SLC35F1: variants seen among roughly 807,000 people sequenced by gnomAD.
The protein encoded by SLC35F1 is solute carrier family 35 member F1.
A neutral mutation model predicts 48.7 loss-of-function variants in SLC35F1; 14 were observed. That is an observed-to-expected ratio of 0.29 (90% CI 0.19 to 0.45). The LOEUF is 0.45. Ranked by LOEUF, SLC35F1 falls within the 20% of genes least tolerant of loss-of-function variation. SLC35F1 has a pLI of 1.00. For synonymous variants in SLC35F1, 190 were observed against 202.2 expected, an observed-to-expected ratio of 0.94 and a Z score of 0.51; for missense variants, 404 against 500.0, an observed-to-expected ratio of 0.81 and a Z score of 1.83.
At chr6:118,293,329 C>T (rs1332524901) in intron 7 of SLC35F1, among the ~76,000 whole-genome samples, 2 of 152,086 alleles carry the variant, frequency 1.3e-5, no homozygotes, top group Non-Finnish European at 2.9e-5. Flanking sequence ...ATTTCCTTAC[C>T]GTTTCCAGCT....
chr6:118,254,496 G>C (rs577869771), intron 3 of SLC35F1, among the ~76,000 whole-genome samples: 7 of 151,970 alleles, frequency 4.6e-5, no homozygotes, highest in Admixed American at 2.6e-4. Context: ...TGCCCAGGCT[G>C]GTCTTGAACT....
intron 1 of SLC35F1, among the ~76,000 whole-genome samples, chr6:117,964,165 TA>T (rs1371304534): frequency 6.6e-6 from 1 of 152,258 alleles, no homozygotes; most frequent in African/African-American, 2.4e-5. Context: ...TATTCCTTTT[TA>T]TGGCTGCATA....
chr6:118,270,321 A>G (rs1224220440), intron 4 of SLC35F1, among the ~76,000 whole-genome samples: 4 of 152,206 alleles, frequency 2.6e-5, no homozygotes, highest in Admixed American at 6.5e-5. Flanking sequence ...AGATGGCATT[A>G]AGTACTTCAT....
At chr6:118,198,358 C>T (rs887361667) in intron 2 of SLC35F1, among the ~76,000 whole-genome samples, 1 of 152,014 alleles carries the variant, frequency 6.6e-6, no homozygotes, top group Non-Finnish European at 1.5e-5. Flanking sequence ...AGTAACATGA[C>T]CATAAAAGTG....
At chr6:117,981,697 T>A (rs1035208041) in intron 1 of SLC35F1, among the ~76,000 whole-genome samples, 2 of 152,212 alleles carry the variant, frequency 1.3e-5, no homozygotes, top group South Asian at 4.1e-4. Flanking sequence ...ATATAGTTAA[T>A]GGTTAATGTT....
At chr6:118,161,218 A>C (rs541071210) in intron 2 of SLC35F1, among the ~76,000 whole-genome samples, 2 of 152,212 alleles carry the variant, frequency 1.3e-5, no homozygotes, top group South Asian at 4.1e-4. Context: ...TCACCTCCCC[A>C]GATCCGTGAA....
chr6:118,153,676 C>CAG (rs1242692151), intron 1 of SLC35F1, among the ~76,000 whole-genome samples: 1 of 152,088 alleles, frequency 6.6e-6, no homozygotes, highest in African/African-American at 2.4e-5. Context: ...GTCCCTGCTA[C>CAG]AGAGGTCTAT....
chr6:118,232,202 T>C (rs555450942), intron 2 of SLC35F1, among the ~76,000 whole-genome samples: 2 of 152,194 alleles, frequency 1.3e-5, no homozygotes, highest in African/African-American at 4.8e-5. Flanking sequence ...ATCTAATGTG[T>C]AATAGAGTGA....
chr6:118,068,474 G>GCTAC (rs1262929619), intron 1 of SLC35F1, among the ~76,000 whole-genome samples: 5 of 152,232 alleles, frequency 3.3e-5, no homozygotes, highest in Admixed American at 3.3e-4. Context: ...CTCTCCCCTT[G>GCTAC]CTACCTAATC....
At chr6:117,966,390 C>A (rs1354450699) in intron 1 of SLC35F1, among the ~76,000 whole-genome samples, 3 of 151,870 alleles carry the variant, frequency 2.0e-5, no homozygotes, top group South Asian at 4.2e-4. Context: ...GTAACACTCG[C>A]CGCGAAGATC....
intron 1 of SLC35F1, among the ~76,000 whole-genome samples, chr6:118,119,814 A>T (rs752427458): frequency 3.3e-5 from 5 of 152,188 alleles, no homozygotes; most frequent in Non-Finnish European, 5.9e-5. Context: ...GAGATAAGAG[A>T]TAAAATAAGT....
intron 1 of SLC35F1, among the ~76,000 whole-genome samples, 183 bp downstream of exon 1, chr6:117,908,082 G>A (rs1775716766): frequency 6.6e-6 from 1 of 152,222 alleles, no homozygotes; most frequent in African/African-American, 2.4e-5. Context: ...CTTTGTCCCG[G>A]CGCAGGGAGC....
intron 3 of SLC35F1, among the ~76,000 whole-genome samples, chr6:118,236,370 A>C (rs1181472910): frequency 1.3e-5 from 2 of 152,200 alleles, no homozygotes; most frequent in African/African-American, 4.8e-5. Flanking sequence ...TTCTTTTTAT[A>C]TGGTAATATT....
intron 1 of SLC35F1, among the ~76,000 whole-genome samples, chr6:117,987,637 A>C (rs1776865107): frequency 6.6e-6 from 1 of 152,162 alleles, no homozygotes; most frequent in African/African-American, 2.4e-5. Flanking sequence ...CCTGCTTAAG[A>C]ATGGCATGGG....
chr6:117,916,301 T>A (rs561378859), intron 1 of SLC35F1, among the ~76,000 whole-genome samples: 1 of 152,342 alleles, frequency 6.6e-6, no homozygotes, highest in African/African-American at 2.4e-5. Flanking sequence ...CATAATTGAT[T>A]TTTATTGTAT....
At chr6:118,124,657 A>G (rs931837032) in intron 1 of SLC35F1, among the ~76,000 whole-genome samples, 4 of 152,190 alleles carry the variant, frequency 2.6e-5, no homozygotes, top group African/African-American at 4.8e-5. Flanking sequence ...GTGACCTATC[A>G]TGACCATTTG....
At chr6:118,030,384 T>G (rs1772028459) in intron 1 of SLC35F1, among the ~76,000 whole-genome samples, 1 of 152,170 alleles carries the variant, frequency 6.6e-6, no homozygotes, top group African/African-American at 2.4e-5. Context: ...CTGTTGTTGC[T>G]CCTTCCCACT....
chr6:118,253,191 T>C (rs1218672560), intron 3 of SLC35F1, among the ~76,000 whole-genome samples: 4 of 151,834 alleles, frequency 2.6e-5, no homozygotes, highest in African/African-American at 4.8e-5. Flanking sequence ...GAGAACACAA[T>C]ATTTGAGAGA....
chr6:118,050,402 A>T (rs568331288), intron 1 of SLC35F1, among the ~76,000 whole-genome samples: 201 of 151,966 alleles, frequency 1.3e-3, no homozygotes, highest in African/African-American at 4.8e-3. Context: ...GGAAAACAAA[A>T]CCAAAAAGCA....
Sources: gnomAD v4.1 joint callset for allele counts (sites outside exome capture counted in the v4.1 genomes callset) on GRCh38, gnomAD v4.1.1 for gene constraint, MANE v1.5 for transcripts, NCBI Gene and HGNC (gene_info 2026-07-23, HGNC 2026-07-21) for gene names.